UBA5: variants seen among roughly 807,000 people sequenced by gnomAD.
UBA5 encodes the protein ubiquitin like modifier activating enzyme 5, also known as ubiquitin-like modifier-activating enzyme 5.
A neutral mutation model predicts 52.9 loss-of-function variants in UBA5; 28 were observed. The ratio of observed to expected loss-of-function variants is 0.53; its 90% CI spans 0.39 to 0.73. UBA5 has a LOEUF of 0.73. Among genes scored for constraint, UBA5 ranks in the 30% least tolerant of loss-of-function variants. The pLI, the probability that UBA5 is intolerant of heterozygous loss-of-function variation, is 0.00. For missense variants in UBA5, 388 were observed against 492.7 expected, an observed-to-expected ratio of 0.79 and a Z score of 2.01; for synonymous variants, 135 against 162.1, an observed-to-expected ratio of 0.83 and a Z score of 1.27.
chr3:132,675,371 GGA>G lies in UBA5; in HGVS notation c.938_939del (p.Glu313GlyfsTer3). On this transcript the variant is annotated frameshift_variant, in exon 9 of 12. Coordinates refer to ENST00000356232, the MANE Select transcript of UBA5 (RefSeq NM_024818.6). LOFTEE classifies it high-confidence loss of function. ...ATGACAGAAATTGCAGGAAGCAGCA[GGA>G]GGAATATAAGGTATATGACAATCTG... is the stretch of plus-strand genomic sequence containing the variant. Reference protein sequence around the residue: ...CDDRNCRKQQEEYKKKVAALP... With the variant: ...CDDRNCRKQQXEYKKKVAALP... The G allele has an allele frequency of 6.2e-7, 1 of 1,613,588 alleles. No individual in the cohort carries two copies. Among genetic ancestry groups the G allele is most frequent in the Non-Finnish European group, 8.5e-7 (1 of 1,179,762 alleles).
chr3:132,670,901 A>T, intron 5 of UBA5, 64 bp from the exon 6 acceptor site: 2 of 1,140,538 alleles, frequency 1.8e-6, no homozygotes, highest in Non-Finnish European at 2.6e-6. Flanking sequence ...CTGAACAAGT[A>T]AGTATAATGT....
At chr3:132,657,091 A>C (rs1023190497), upstream of UBA5, among the ~76,000 whole-genome samples, 1 of 152,282 alleles carries the variant, frequency 6.6e-6, no homozygotes, top group African/African-American at 2.4e-5. Context: ...CTAAAGTCAA[A>C]AATATAACTT....
upstream of UBA5, among the ~76,000 whole-genome samples, chr3:132,659,034 G>A (rs1213762716): frequency 2.6e-5 from 4 of 152,098 alleles, no homozygotes; most frequent in African/African-American, 9.7e-5. Context: ...ATTATCTATT[G>A]TAAAACATCA....
chr3:132,672,765 C>T (rs1173189153), intron 8 of UBA5, among the ~76,000 whole-genome samples: 1 of 152,072 alleles, frequency 6.6e-6, no homozygotes, highest in Non-Finnish European at 1.5e-5. Context: ...CTTTTAGATA[C>T]CTCTGCTATC....
Position 132,672,013 on chromosome 3 carries a change from CTCTT to C in UBA5, c.685-35_685-32del, listed in dbSNP as rs965828000. The C allele has an allele frequency of 9.9e-6, 16 of 1,608,942 alleles. No homozygotes were observed. In the African/African-American group the frequency reaches 2.0e-4, roughly 20 times the overall value. On this transcript the variant is annotated intron_variant, in intron 7 of 11. Coordinates refer to ENST00000356232, the MANE Select transcript of UBA5 (RefSeq NM_024818.6). ...CTATTTGGAACATCTCATACTTTTTCTCTTTTTTTTTGAAATGTGTTTTATTTTT... is the reference window on the plus strand; with the variant it reads ...CTATTTGGAACATCTCATACTTTTTCTTTTTTTGAAATGTGTTTTATTTTT...
At position 132,675,679 on chromosome 3, in the gene UBA5, G is replaced by A. The variant is rs1467860018; in HGVS notation, c.1023G>A (p.Trp341Ter). ...AGATAATCCATGAAGATAATGAATG[G>A]GGTAGGTATTCTTTTATAAATTGAA... Reference protein sequence around the residue: ...EEEIIHEDNEWGIELVSEVSE... With the variant: ...EEEIIHEDNE Residue 341 changes from tryptophan to a stop codon, truncating the protein, a stop_gained and splice_region_variant, in exon 10 of 12, where the codon TGG becomes TGA. Coordinates refer to ENST00000356232, the MANE Select transcript of UBA5 (RefSeq NM_024818.6). LOFTEE classifies it high-confidence loss of function. 1.2e-6 allele frequency: 2 copies of A among 1,606,476 alleles called. No homozygotes were observed. Among genetic ancestry groups the A allele is most frequent in the Admixed American group, 3.4e-5 (2 of 59,554 alleles).
At position 132,660,461 on chromosome 3, in the gene UBA5, G is replaced by A. The variant is rs1938088083; in HGVS notation, c.-77G>A. 3.3e-6 allele frequency: 5 copies of A among 1,526,060 alleles called. No homozygotes were observed. Among genetic ancestry groups the A allele is most frequent in the Non-Finnish European group, 3.5e-6 (4 of 1,138,138 alleles). The allele number at this position is 1,526,060 out of a possible 1,614,324, so 94.5% of individuals were successfully genotyped here. On this transcript the variant is annotated 5_prime_UTR_variant, in exon 1 of 12. Coordinates refer to ENST00000356232, the MANE Select transcript of UBA5 (RefSeq NM_024818.6). This position sits in a 1 kb window ranked among gnomAD's most constrained non-coding sequence, Gnocchi z 4.1. ...AGGTGCCTCCCCACGTACCCCTCGC[G>A]GGCCCAGCCGAGCAACGTGGGGCGA...
intron 1 of UBA5, among the ~76,000 whole-genome samples, chr3:132,665,542 CTTAACAT>C (rs1938341010): frequency 6.6e-6 from 1 of 152,056 alleles, no homozygotes; most frequent in South Asian, 2.1e-4. Context: ...AACTTTGACC[CTTAACAT>C]TTAAGTAGTA....
chr3:132,673,355 T>G (rs1938687760), intron 8 of UBA5, among the ~76,000 whole-genome samples: 1 of 151,624 alleles, frequency 6.6e-6, no homozygotes, highest in Admixed American at 6.6e-5. Context: ...ACTCTTCTTT[T>G]TGTTTTTTTG....
chr3:132,675,111 T>C, intron 8 of UBA5, 137 bp from the exon 9 acceptor site: 2 of 636,502 alleles, frequency 3.1e-6, no homozygotes, highest in East Asian at 5.9e-5. Context: ...ATTTCTGTTT[T>C]CTGGATGCAG....
intron 1 of UBA5, among the ~76,000 whole-genome samples, chr3:132,663,368 T>A (rs1938246585): frequency 6.6e-6 from 1 of 152,078 alleles, no homozygotes; most frequent in Non-Finnish European, 1.5e-5. Flanking sequence ...AAGAGTAAAA[T>A]AGAAGATTTC....
At chr3:132,675,952 G>A (rs1369577832) in intron 11 of UBA5, 29 bp downstream of exon 11, 1 of 1,336,346 alleles carries the variant, frequency 7.5e-7, no homozygotes, top group African/African-American at 1.5e-5. Flanking sequence ...TTACCCATAT[G>A]TAAATATCAT....
chr3:132,673,106 ATT>A (rs1339833478), intron 8 of UBA5, among the ~76,000 whole-genome samples: 12 of 152,308 alleles, frequency 7.9e-5, no homozygotes, highest in African/African-American at 2.9e-4. Context: ...GTCTAGGGCT[ATT>A]TCATATAAGA....
chr3:132,670,116 C>T (rs995484313), intron 4 of UBA5, 82 bp from the exon 5 acceptor site: 2 of 707,516 alleles, frequency 2.8e-6, no homozygotes, highest in African/African-American at 3.7e-5. Context: ...CCTTGAACTC[C>T]TGGACTCAAG....
chr3:132,673,965 C>CTA (rs2107947362), intron 8 of UBA5, among the ~76,000 whole-genome samples: 1 of 152,222 alleles, frequency 6.6e-6, no homozygotes, highest in South Asian at 2.1e-4. Flanking sequence ...TGCACACGGC[C>CTA]TATAGTACAC....
chr3:132,675,976 C>T (rs1400274832), intron 11 of UBA5, 53 bp downstream of exon 11: 1 of 1,151,780 alleles, frequency 8.7e-7, no homozygotes, highest in African/African-American at 1.6e-5. Flanking sequence ...AAATATTTAT[C>T]ATCTTCATTC....
chr3:132,658,336 T>C (rs141783249), upstream of UBA5, among the ~76,000 whole-genome samples: 1 of 152,366 alleles, frequency 6.6e-6, no homozygotes, highest in African/African-American at 2.4e-5. Flanking sequence ...TTATACAACA[T>C]TTCTGGAAGC....
chr3:132,659,427 C>T, upstream of UBA5: 1 of 786,078 alleles, frequency 1.3e-6, no homozygotes, highest in Non-Finnish European at 1.9e-6. Context: ...AATTGGGAAG[C>T]CCCCAGCATC....
chr3:132,668,505 A>G (rs1232627787), intron 3 of UBA5: 1 of 168,812 alleles, frequency 5.9e-6, no homozygotes. Flanking sequence ...TTAGAGAGGC[A>G]GCACAGCATT....
Sources: allele counts gnomAD v4.1 joint callset (sites outside exome capture counted in the v4.1 genomes callset), GRCh38; gene constraint gnomAD v4.1.1; non-coding constraint Gnocchi (gnomAD v3.1); transcripts MANE v1.5; gene names NCBI Gene and HGNC (gene_info 2026-07-23, HGNC 2026-07-21).